SORCS1: variants seen among roughly 807,000 people sequenced by gnomAD.
The protein encoded by SORCS1 is sortilin related VPS10 domain containing receptor 1.
Under a neutral mutation model 146.1 loss-of-function variants are expected in SORCS1, and 60 were observed. The ratio of observed to expected loss-of-function variants is 0.41; its 90% CI spans 0.33 to 0.51. SORCS1 has a LOEUF of 0.51. SORCS1 is among the 20% of genes least tolerant of loss of function. The pLI is 0.21. For synonymous variants in SORCS1, 637 were observed against 584.0 expected, an observed-to-expected ratio of 1.09 and a Z score of -1.31; for missense variants, 1,352 against 1,487.6, an observed-to-expected ratio of 0.91 and a Z score of 1.50.
intron 1 of SORCS1, among the ~76,000 whole-genome samples, chr10:107,038,203 T>G (rs1306415132): frequency 1.3e-5 from 2 of 152,180 alleles, no homozygotes; most frequent in African/African-American, 4.8e-5. Flanking sequence ...AAACGGAGAT[T>G]CATCAAAGAC....
At chr10:106,991,380 G>A (rs1191055061) in intron 1 of SORCS1, among the ~76,000 whole-genome samples, 1 of 152,154 alleles carries the variant, frequency 6.6e-6, no homozygotes, top group East Asian at 1.9e-4. Context: ...TCAAATAAAT[G>A]AAACTAAAAC....
chr10:106,727,929 G>A (rs1019563002), intron 6 of SORCS1, among the ~76,000 whole-genome samples: 5 of 152,308 alleles, frequency 3.3e-5, no homozygotes, highest in African/African-American at 1.2e-4. Context: ...GTGAGGAGAG[G>A]GCAGACTAAG....
intron 1 of SORCS1, among the ~76,000 whole-genome samples, chr10:107,123,631 A>T (rs2134563439): frequency 6.6e-6 from 1 of 152,322 alleles, no homozygotes; most frequent in South Asian, 2.1e-4. Context: ...TCAAAATGTA[A>T]GGATTTTCTT....
In SORCS1 at chr10:106,603,198, A is replaced by G. The variant is rs377047033; in HGVS notation, c.3165+3968T>C. On this transcript the variant is annotated intron_variant, in intron 23 of 25. Transcript: ENST00000263054. ...ACAGAAACAAATTTATTCACCCCTG[A>G]GGACTCCGAGGGGAGCAAGGAAGTG... Among the ~76,000 whole-genome samples the G allele has an allele frequency of 2.2e-4, 34 of 152,252 alleles. No individual in the cohort carries two copies. The East Asian group carries it at 4.1e-3, about 18-fold the overall frequency.
chr10:106,807,873 G>A (rs1445153882), intron 3 of SORCS1, among the ~76,000 whole-genome samples: 3 of 152,348 alleles, frequency 2.0e-5, no homozygotes, highest in Admixed American at 1.3e-4. Context: ...AGTTTGCAAT[G>A]TCAATGCATT....
At chr10:106,620,323 C>T in intron 20 of SORCS1, 105 bp downstream of exon 20, 1 of 1,416,872 alleles carries the variant, frequency 7.1e-7, no homozygotes, top group Non-Finnish European at 9.4e-7. Context: ...GAAGCTACAA[C>T]TGCTTCTACA....
At chr10:106,589,860 G>GA (rs1337761507) in intron 24 of SORCS1, among the ~76,000 whole-genome samples, 8 of 148,272 alleles carry the variant, frequency 5.4e-5, no homozygotes, top group African/African-American at 1.8e-4. Context: ...ATTATTAAAG[G>GA]AAAAAACCCC....
intron 16 of SORCS1, among the ~76,000 whole-genome samples, chr10:106,670,751 T>A (rs1027393242): frequency 1.3e-5 from 2 of 150,982 alleles, no homozygotes; most frequent in African/African-American, 4.9e-5. Context: ...TGGAGTGCAG[T>A]GGCGCGATCG....
chr10:106,984,372 C>T (rs943959756), intron 1 of SORCS1, among the ~76,000 whole-genome samples: 9 of 150,630 alleles, frequency 6.0e-5, no homozygotes, highest in South Asian at 2.1e-4. Flanking sequence ...CTTAATTTCT[C>T]AGAAATTAAA....
chr10:106,595,561 T>G (rs1845856959), intron 24 of SORCS1, among the ~76,000 whole-genome samples: 2 of 151,968 alleles, frequency 1.3e-5, no homozygotes, highest in South Asian at 4.1e-4. Flanking sequence ...ATAGTGGGAT[T>G]GAAAAAACAA....
chr10:106,806,785 G>T (rs1264472077), intron 3 of SORCS1, among the ~76,000 whole-genome samples: 1 of 151,742 alleles, frequency 6.6e-6, no homozygotes, highest in Non-Finnish European at 1.5e-5. Flanking sequence ...GGAGTGCTGG[G>T]ATTACAGGCG....
intron 1 of SORCS1, among the ~76,000 whole-genome samples, chr10:107,047,172 A>G (rs1271247063): frequency 1.3e-5 from 2 of 152,054 alleles, no homozygotes; most frequent in Non-Finnish European, 2.9e-5. Flanking sequence ...TATTTTTAGT[A>G]GAGACAGGGT....
At chr10:106,808,787 T>C (rs555812056) in intron 3 of SORCS1, among the ~76,000 whole-genome samples, 121 of 152,218 alleles carry the variant, frequency 7.9e-4, no homozygotes, top group African/African-American at 2.8e-3. Flanking sequence ...CAGGCATGAG[T>C]CACCGGAAAA....
At chr10:107,152,665 G>A (rs556746436) in intron 1 of SORCS1, among the ~76,000 whole-genome samples, 1 of 152,274 alleles carries the variant, frequency 6.6e-6, no homozygotes, top group African/African-American at 2.4e-5. Flanking sequence ...CATGAAGAAG[G>A]ATCTGTTTGC....
At chr10:106,903,510 G>A (rs574660954) in intron 2 of SORCS1, among the ~76,000 whole-genome samples, 3 of 152,196 alleles carry the variant, frequency 2.0e-5, no homozygotes, top group East Asian at 1.9e-4. Context: ...GTTAATTTCC[G>A]ACACCATCAT....
chr10:106,836,172 G>T (rs1292094042), intron 2 of SORCS1, among the ~76,000 whole-genome samples: 1 of 151,998 alleles, frequency 6.6e-6, no homozygotes, highest in East Asian at 2.0e-4. Context: ...GCCTGCTTAA[G>T]ACTACAGAAC....
At chr10:107,105,554 G>A (rs2152748) in intron 1 of SORCS1, among the ~76,000 whole-genome samples, 149,078 of 152,256 alleles carry the variant, frequency 0.98, 72,991 homozygotes, top group East Asian at 1. Flanking sequence ...TCACTGGTAT[G>A]AGTCCAACAG....
At chr10:106,638,936 T>G (rs545006226) in intron 18 of SORCS1, among the ~76,000 whole-genome samples, 11 of 152,336 alleles carry the variant, frequency 7.2e-5, no homozygotes, top group African/African-American at 2.4e-4. Flanking sequence ...TAATCTGTGA[T>G]TTTTACAATT....
At chr10:106,888,333 G>T (rs1382139534) in intron 2 of SORCS1, among the ~76,000 whole-genome samples, 4 of 152,148 alleles carry the variant, frequency 2.6e-5, no homozygotes, top group Non-Finnish European at 5.9e-5. Context: ...TTTGGTGCTG[G>T]TGCCTGTACA....
Sources: allele counts gnomAD v4.1 joint callset (sites outside exome capture counted in the v4.1 genomes callset), GRCh38; gene constraint gnomAD v4.1.1; transcripts MANE v1.5; gene names NCBI Gene and HGNC (gene_info 2026-07-23, HGNC 2026-07-21).